The following VSTM4 variants were observed in gnomAD, a reference collection of about 807,000 sequenced individuals.
The protein encoded by VSTM4 is V-set and transmembrane domain containing 4.
VSTM4 carries 20 observed loss-of-function variants against 36.4 expected under a neutral mutation model. That is an observed-to-expected ratio of 0.55 (90% CI 0.39 to 0.80). The LOEUF (loss-of-function observed/expected upper bound fraction) is 0.80, where lower values mean the gene tolerates loss of function less well. VSTM4 is among the 30% of genes least tolerant of loss of function. The probability of loss-of-function intolerance (pLI) is 0.00; values close to 1 mark genes in which losing one functional copy is unlikely to be tolerated. For missense variants in VSTM4, 392 were observed against 404.5 expected (o/e 0.97, Z 0.26); for synonymous variants, 182 against 173.9 (o/e 1.05, Z -0.37).
chr10:49,055,077 T>C (rs753301661), intron 5 of VSTM4, among the ~76,000 whole-genome samples: 3 of 152,176 alleles, frequency 2.0e-5, no homozygotes, highest in Non-Finnish European at 4.4e-5. Context: ...AAGGGATGTA[T>C]TGTGGTCTGA....
At chr10:49,073,632 C>T (rs560357177) in intron 4 of VSTM4, among the ~76,000 whole-genome samples, 11 of 152,316 alleles carry the variant, frequency 7.2e-5, no homozygotes, top group African/African-American at 2.4e-4. Flanking sequence ...GGGAACAATC[C>T]TGCCCTTCCC....
At chr10:49,037,744 A>G (rs1843454179) in intron 7 of VSTM4, among the ~76,000 whole-genome samples, 1 of 152,248 alleles carries the variant, frequency 6.6e-6, no homozygotes, top group Admixed American at 6.5e-5. Flanking sequence ...AAGAACTCCT[A>G]CAATTCAGCA....
At chr10:49,093,032 T>C (rs7915922) in intron 2 of VSTM4, among the ~76,000 whole-genome samples, 18,676 of 152,026 alleles carry the variant, frequency 0.12, 1,816 homozygotes, top group African/African-American at 0.27. Context: ...CTACTTGTAC[T>C]CAATAAAACT....
chr10:49,027,078 C>T (rs987457228), intron 7 of VSTM4, among the ~76,000 whole-genome samples: 1 of 152,150 alleles, frequency 6.6e-6, no homozygotes, highest in Non-Finnish European at 1.5e-5. Context: ...TGCCCTGACA[C>T]TGATGCCATT....
At chr10:49,105,774 A>G (rs1011355902) in intron 2 of VSTM4, among the ~76,000 whole-genome samples, 10 of 152,150 alleles carry the variant, frequency 6.6e-5, no homozygotes, top group African/African-American at 2.4e-4. Flanking sequence ...GTGACTCCAG[A>G]ATACACTGTG....
chr10:49,031,328 G>C (rs1347157291), intron 7 of VSTM4, among the ~76,000 whole-genome samples: 1 of 152,058 alleles, frequency 6.6e-6, no homozygotes, highest in Non-Finnish European at 1.5e-5. Context: ...TACAAAGTGG[G>C]ACTCATAATA....
At chr10:49,058,736 G>A (rs1159283457) in intron 5 of VSTM4, among the ~76,000 whole-genome samples, 1 of 152,168 alleles carries the variant, frequency 6.6e-6, no homozygotes, top group East Asian at 1.9e-4. Context: ...ACTTGGCAAG[G>A]CCCCTCATTC....
chr10:49,047,202 G>A (rs1004899578), intron 6 of VSTM4, among the ~76,000 whole-genome samples, 158 bp from the exon 7 acceptor site: 12 of 152,264 alleles, frequency 7.9e-5, no homozygotes, highest in East Asian at 1.9e-4. Flanking sequence ...GCCCCTCGGC[G>A]GGCGTGATCC....
intron 2 of VSTM4, among the ~76,000 whole-genome samples, chr10:49,097,078 A>C (rs1461790889): frequency 6.6e-6 from 1 of 152,122 alleles, no homozygotes; most frequent in Non-Finnish European, 1.5e-5. Context: ...CCTGGGGTGA[A>C]GGCCCAGGAA....
intron 7 of VSTM4, among the ~76,000 whole-genome samples, chr10:49,030,207 C>T (rs985540999): frequency 1.3e-5 from 2 of 152,228 alleles, no homozygotes; most frequent in African/African-American, 4.8e-5. Context: ...CTACTCTCAC[C>T]ATCTCCTTGG....
intron 5 of VSTM4, among the ~76,000 whole-genome samples, chr10:49,053,993 A>T (rs1484515172): frequency 1.3e-5 from 2 of 152,240 alleles, no homozygotes; most frequent in African/African-American, 4.8e-5. Context: ...TAACAACAGT[A>T]ACAGCTATGT....
At chr10:49,108,126 G>T in intron 1 of VSTM4, 131 bp from the exon 2 acceptor site, 1 of 1,309,684 alleles carries the variant, frequency 7.6e-7, no homozygotes, top group Non-Finnish European at 1.0e-6. Flanking sequence ...CAGAGAAGCA[G>T]GCGGCCCCTC....
intron 7 of VSTM4, among the ~76,000 whole-genome samples, chr10:49,034,106 T>A (rs1843389747): frequency 6.6e-6 from 1 of 151,776 alleles, no homozygotes; most frequent in Non-Finnish European, 1.5e-5. Flanking sequence ...ACCATTATCA[T>A]CACCATTATT....
chr10:49,114,283 T>C (rs926111118), intron 1 of VSTM4, among the ~76,000 whole-genome samples: 18 of 152,354 alleles, frequency 1.2e-4, no homozygotes, highest in African/African-American at 4.3e-4. Context: ...CTCCTCAGAC[T>C]GGGATCTATG....
intron 7 of VSTM4, among the ~76,000 whole-genome samples, chr10:49,039,301 G>A (rs900329877): frequency 2.6e-5 from 4 of 152,036 alleles, no homozygotes; most frequent in Admixed American, 1.3e-4. Context: ...CTGAGGGAGC[G>A]CAGGCAGATT....
intron 7 of VSTM4, among the ~76,000 whole-genome samples, chr10:49,023,682 C>T (rs1028418180): frequency 1.3e-5 from 2 of 152,178 alleles, no homozygotes; most frequent in Admixed American, 6.5e-5. Flanking sequence ...GGGAATCACT[C>T]CCAGCATCTC....
chr10:49,085,322 T>G (rs541986832), intron 3 of VSTM4, among the ~76,000 whole-genome samples: 5 of 152,346 alleles, frequency 3.3e-5, no homozygotes, highest in African/African-American at 1.2e-4. Flanking sequence ...TAAATCAGAA[T>G]CTCTAGAGAT....
rs113221328 is a variant in VSTM4 at position 49,103,983 on chromosome 10, G to C, written c.457+3611C>G. 7,509 of 756,264 alleles carry C rather than the reference G, an allele frequency of 9.9e-3. 330 individuals carry two copies. Among genetic ancestry groups the C allele is most frequent in the African/African-American group, 0.097 (5,526 of 56,718 alleles). 46.8% of individuals were successfully genotyped at this position (756,264 alleles called of 1,614,324 possible). A position where few individuals can be genotyped will look rare whatever the true frequency, so the allele number is the denominator to read the frequency against. ...TTCTAACCCAAAGGTACGGACCACAGAACTTCTCATCCTTGTTGTTCTGTG... is the reference window on the plus strand; with the variant it reads ...TTCTAACCCAAAGGTACGGACCACACAACTTCTCATCCTTGTTGTTCTGTG... On this transcript the variant is annotated intron_variant, in intron 2 of 7. Transcript: ENST00000332853.
intron 5 of VSTM4, among the ~76,000 whole-genome samples, chr10:49,053,478 T>A (rs1470667177): frequency 6.6e-6 from 1 of 152,160 alleles, no homozygotes; most frequent in Non-Finnish European, 1.5e-5. Flanking sequence ...GTCACTTACT[T>A]CCCCGGGCTT....
Sources: gnomAD v4.1 joint callset for allele counts (sites outside exome capture counted in the v4.1 genomes callset) on GRCh38, gnomAD v4.1.1 for gene constraint, MANE v1.5 for transcripts, NCBI Gene and HGNC (gene_info 2026-07-23, HGNC 2026-07-21) for gene names.